The following UBTD2 variants were observed in gnomAD, a reference collection of about 807,000 sequenced individuals.
UBTD2 encodes ubiquitin domain containing 2, also known as ubiquitin domain-containing protein 2.
UBTD2 carries 9 observed loss-of-function variants against 19.8 expected under a neutral mutation model. That is an observed-to-expected ratio of 0.46 (90% CI 0.27 to 0.79). The LOEUF (loss-of-function observed/expected upper bound fraction) is 0.79. Among genes scored for constraint, UBTD2 ranks in the 30% least tolerant of loss-of-function variants. The pLI, the probability that UBTD2 is intolerant of heterozygous loss-of-function variation, is 0.14. For synonymous variants in UBTD2, 98 were observed against 103.9 expected (o/e 0.94, Z 0.35); for missense variants, 250 against 300.4 (o/e 0.83, Z 1.24).
At chr5:172,251,993 A>G (rs1755034185) in intron 1 of UBTD2, among the ~76,000 whole-genome samples, 1 of 152,242 alleles carries the variant, frequency 6.6e-6, no homozygotes, top group Admixed American at 6.5e-5. Context: ...ACGAGGTAAT[A>G]TTTCTCAAAC....
rs1771449878 is a variant in UBTD2 at position 172,211,687 on chromosome 5, T to G, written c.*143A>C. 1 of 912,882 alleles carries G rather than the reference T, an allele frequency of 1.1e-6. No homozygotes were observed. Among genetic ancestry groups the G allele is most frequent in the African/African-American group, 1.7e-5 (1 of 59,244 alleles). 56.5% of individuals were successfully genotyped at this position (912,882 alleles called of 1,614,324 possible). A position where few individuals can be genotyped will look rare whatever the true frequency, so the allele number is the denominator to read the frequency against. On this transcript the variant is annotated 3_prime_UTR_variant, in exon 3 of 3. Coordinates refer to ENST00000393792, the MANE Select transcript of UBTD2 (RefSeq NM_152277.3). ...GTTGGTCTCCATCACAGATGGAATT[T>G]TTCACTGGTAATTCCTCAGAACTAA...
At chr5:172,225,692 G>A (rs766028684) in intron 2 of UBTD2, among the ~76,000 whole-genome samples, 2 of 152,168 alleles carry the variant, frequency 1.3e-5, no homozygotes, top group African/African-American at 2.4e-5. Flanking sequence ...TTACATACAT[G>A]TCAAAGCTGA....
At chr5:172,249,151 A>G (rs1054858781) in intron 1 of UBTD2, among the ~76,000 whole-genome samples, 21 of 152,060 alleles carry the variant, frequency 1.4e-4, no homozygotes, top group Middle Eastern at 3.2e-3. Context: ...TAATCCCAGC[A>G]CTTTGGAAGG....
intron 1 of UBTD2, chr5:172,255,229 C>T (rs959391700): frequency 4.2e-5 from 19 of 449,620 alleles, no homozygotes; most frequent in East Asian, 3.6e-4. Context: ...AGGTGAACTC[C>T]GCTTGCTCAC....
At chr5:172,284,014 AGCCCCGCGCCGGC>A (rs1435161527), upstream of UBTD2, 2 of 146,454 alleles carry the variant, frequency 1.4e-5, no homozygotes, top group Non-Finnish European at 3.0e-5. Context: ...AGTCCAGGCG[AGCCCCGCGCCGGC>A]GCCTCGCGTC....
At position 172,283,293 on chromosome 5, in the gene UBTD2, T is replaced by C. The variant is rs1417833153; in HGVS notation, c.70+303A>G. Among the ~76,000 whole-genome samples, 2 of 151,196 alleles carry C rather than the reference T, an allele frequency of 1.3e-5. No individual in the cohort carries two copies. Among genetic ancestry groups the C allele is most frequent in the Non-Finnish European group, 3.0e-5 (2 of 67,730 alleles). On this transcript the variant is annotated intron_variant, in intron 1 of 2. Coordinates refer to ENST00000393792, the MANE Select transcript of UBTD2 (RefSeq NM_152277.3). This position sits in a 1 kb window ranked among gnomAD's most constrained non-coding sequence, Gnocchi z 4.3. ...CCTGATCCTCAATAATTAAACGGCC[T>C]GGAGAGGGAGTGAGGTGGCCAGAAG...
intron 1 of UBTD2, among the ~76,000 whole-genome samples, chr5:172,260,256 C>T (rs969773511): frequency 6.6e-6 from 1 of 152,032 alleles, no homozygotes; most frequent in African/African-American, 2.4e-5. Flanking sequence ...GAATTTTATT[C>T]TATTAATACA....
intron 1 of UBTD2, among the ~76,000 whole-genome samples, chr5:172,271,156 C>A (rs938511271): frequency 6.6e-6 from 1 of 151,996 alleles, no homozygotes; most frequent in Admixed American, 6.6e-5. Flanking sequence ...TTGGGCTGGG[C>A]GCAGTGGCTC....
chr5:172,231,238 T>C (rs573025363), intron 2 of UBTD2, among the ~76,000 whole-genome samples: 30 of 152,226 alleles, frequency 2.0e-4, no homozygotes, highest in Admixed American at 4.6e-4. Context: ...GTCCAAGAAA[T>C]ATTGACAAGA....
At position 172,246,751 on chromosome 5, in the gene UBTD2, C is replaced by CTTT. The variant is rs70982379; in HGVS notation, c.71-12396_71-12394dup. Among the ~76,000 whole-genome samples, 293 of 62,490 alleles carry CTTT rather than the reference C, an allele frequency of 4.7e-3. 46 individuals are homozygous for CTTT. The highest frequency in any genetic ancestry group is 6.2e-3 in the Admixed American group (27 of 4,322). 41.0% of individuals were successfully genotyped at this position (62,490 alleles called of 152,430 possible). A position where few individuals can be genotyped will look rare whatever the true frequency, so the allele number is the denominator to read the frequency against. On this transcript the variant is annotated intron_variant, in intron 1 of 2. Transcript: ENST00000393792. ...GAGCCACCACGCCCAGCCGAGATTGCTTTTTTTTTTTTTTTTTTTTTTTTT... is the reference window on the plus strand; with the variant it reads ...GAGCCACCACGCCCAGCCGAGATTGCTTTTTTTTTTTTTTTTTTTTTTTTTTTT...
chr5:172,225,955 T>TG (rs1771755075), intron 2 of UBTD2, among the ~76,000 whole-genome samples: 2 of 141,640 alleles, frequency 1.4e-5, no homozygotes, highest in African/African-American at 5.1e-5. Flanking sequence ...TTTTTTTTTT[T>TG]GAGATGGAAT....
At chr5:172,279,568 A>G (rs1178297574) in intron 1 of UBTD2, among the ~76,000 whole-genome samples, 1 of 152,254 alleles carries the variant, frequency 6.6e-6, no homozygotes, top group Non-Finnish European at 1.5e-5. Context: ...TTCTCTTAGG[A>G]TATCACTGAA....
intron 1 of UBTD2, among the ~76,000 whole-genome samples, chr5:172,253,650 C>T (rs4868152): frequency 0.11 from 16,672 of 151,942 alleles, 993 homozygotes; most frequent in Middle Eastern, 0.15. Flanking sequence ...GATGGGGTTT[C>T]ACGTTTTTGG....
chr5:172,233,091 G>T (rs1426859636), intron 2 of UBTD2, among the ~76,000 whole-genome samples: 1 of 152,114 alleles, frequency 6.6e-6, no homozygotes, highest in Non-Finnish European at 1.5e-5. Context: ...CCAGCCTGCT[G>T]GGCGACAGAG....
intron 1 of UBTD2, among the ~76,000 whole-genome samples, chr5:172,265,247 A>C (rs1423211296): frequency 2.0e-5 from 3 of 152,242 alleles, no homozygotes; most frequent in African/African-American, 4.8e-5. Context: ...GAGTCTCTCT[A>C]AAGATAATAG....
intron 1 of UBTD2, among the ~76,000 whole-genome samples, chr5:172,237,171 G>A (rs995910121): frequency 2.0e-5 from 3 of 152,160 alleles, no homozygotes; most frequent in African/African-American, 7.2e-5. Flanking sequence ...CCGACTCACT[G>A]CAACCTCCGC....
At position 172,280,302 on chromosome 5, in the gene UBTD2, G is replaced by A. The variant is rs1026438959; in HGVS notation, c.70+3294C>T. Among the ~76,000 whole-genome samples the A allele has an allele frequency of 1.2e-4, 18 of 151,982 alleles. No homozygotes were observed. In the East Asian group the frequency reaches 3.3e-3, roughly 28 times the overall value. ...TGGGCGGATTACTTAAAGGTCAGGA[G>A]TTCAAGACCAGCCAGGCCAACCTGG... On this transcript the variant is annotated intron_variant, in intron 1 of 2. Transcript: ENST00000393792.
intron 1 of UBTD2, among the ~76,000 whole-genome samples, chr5:172,237,707 C>T (rs569410813): frequency 1.3e-5 from 2 of 152,118 alleles, no homozygotes; most frequent in Non-Finnish European, 2.9e-5. Flanking sequence ...ACTATCCTCT[C>T]GTGAAAACAT....
In UBTD2 at chr5:172,211,043, A is replaced by C. The variant is rs1265940071; in HGVS notation, c.*787T>G. The C allele has an allele frequency of 1.3e-5, 2 of 152,182 alleles. No homozygotes were observed. The highest frequency in any genetic ancestry group is 3.8e-4 in the East Asian group (2 of 5,200). 9.4% of individuals were successfully genotyped at this position (152,182 alleles called of 1,614,324 possible). On this transcript the variant is annotated 3_prime_UTR_variant, in exon 3 of 3. Transcript: ENST00000393792. ...ATGGCTTCGTTATACAGACCTTTCA[A>C]AATACTTATGCAGCAAGATGACAGC...
Sources: allele counts gnomAD v4.1 joint callset (sites outside exome capture counted in the v4.1 genomes callset), GRCh38; gene constraint gnomAD v4.1.1; non-coding constraint Gnocchi (gnomAD v3.1); transcripts MANE v1.5; gene names NCBI Gene and HGNC (gene_info 2026-07-23, HGNC 2026-07-21).